The following NFIX variants were observed in gnomAD, a reference collection of about 807,000 sequenced individuals.
NFIX encodes the protein nuclear factor I X, also known as nuclear factor 1 X-type.
Under a neutral mutation model 53.3 loss-of-function variants are expected in NFIX, and 2 were observed. The observed-to-expected ratio is 0.04, with a 90% CI of 0.02 to 0.12. NFIX has a LOEUF of 0.12. Ranked by LOEUF, NFIX falls within the 10% of genes least tolerant of loss-of-function variation. The pLI, the probability that NFIX is intolerant of heterozygous loss-of-function variation, is 1.00. For synonymous variants in NFIX, 244 were observed against 289.0 expected (o/e 0.84, Z 1.58); for missense variants, 310 against 674.5 (o/e 0.46, Z 5.99).
In NFIX at chr19:13,005,843, G is replaced by A. The variant is rs1224010925; in HGVS notation, c.27+9979G>A. Among the ~76,000 whole-genome samples the A allele has an allele frequency of 7.9e-5, 12 of 152,176 alleles. No individual in the cohort carries two copies. The highest frequency in any genetic ancestry group is 7.9e-4 in the Admixed American group (12 of 15,278). On this transcript the variant is annotated intron_variant, in intron 1 of 10. Transcript: ENST00000592199. This position sits in a 1 kb window ranked among gnomAD's most constrained non-coding sequence, Gnocchi z 4.7. ...TCTTCCATCCAAGGCTCAGAATAAAGGTGGATGGTGGTCTCACCCCCTCTG... is the reference window on the plus strand; with the variant it reads ...TCTTCCATCCAAGGCTCAGAATAAAAGTGGATGGTGGTCTCACCCCCTCTG...
Position 13,093,774 on chromosome 19 carries a change from G to C in NFIX, c.1495-861G>C, listed in dbSNP as rs2018277950. Among the ~76,000 whole-genome samples, 1 of 152,164 alleles carries C rather than the reference G, an allele frequency of 6.6e-6. No individual in the cohort carries two copies. Among genetic ancestry groups the C allele is most frequent in the South Asian group, 2.1e-4 (1 of 4,832 alleles). On this transcript the variant is annotated intron_variant, in intron 10 of 10. Transcript: ENST00000592199. This position sits in a 1 kb window ranked among gnomAD's most constrained non-coding sequence, Gnocchi z 4.7. Reference sequence around the variant, plus strand: ...CATTTTGCCCCAACGGTACTACCAGGTGCACCCAGGCCCAGTAGACCACAG... The same window carrying C: ...CATTTTGCCCCAACGGTACTACCAGCTGCACCCAGGCCCAGTAGACCACAG...
At chr19:13,071,097 C>T (rs1007753787) in intron 2 of NFIX, 19 of 152,430 alleles carry the variant, frequency 1.2e-4, no homozygotes, top group African/African-American at 4.1e-4. Flanking sequence ...CCAAGTTGTC[C>T]CTAGGATGAG....
intron 8 of NFIX, among the ~76,000 whole-genome samples, chr19:13,082,988 T>G (rs1041991103): frequency 6.6e-6 from 1 of 152,190 alleles, no homozygotes; most frequent in Non-Finnish European, 1.5e-5. Context: ...TGGCTCCGCC[T>G]CCTCACTCTG....
rs2014571438 is a variant in NFIX, at chr19:13,040,847, T to C, written c.559+15295T>C. Among the ~76,000 whole-genome samples the C allele has an allele frequency of 6.6e-6, 1 of 152,188 alleles. No individual in the cohort carries two copies. Among genetic ancestry groups the C allele is most frequent in the Non-Finnish European group, 1.5e-5 (1 of 68,034 alleles). On this transcript the variant is annotated intron_variant, in intron 2 of 10. Transcript: ENST00000592199. This position sits in a 1 kb window ranked among gnomAD's most constrained non-coding sequence, Gnocchi z 4.2. ...CTGCTGTACCTTTGCTTGCCTCGGA[T>C]CTTAGAACTGTTTCCAGTAGTTTTT...
chr19:12,995,844 T>C lies in NFIX; in HGVS notation c.7T>C (p.Ser3Pro). Residue 3 changes from serine (S) to proline (P), a missense_variant, in exon 1 of 11, where the codon TCC (serine) becomes CCC (proline). Physicochemically the swap from Ser to Pro is moderately conservative, Grantham distance 74 (BLOSUM62 -1). Coordinates refer to ENST00000592199, the MANE Select transcript of NFIX (RefSeq NM_001365902.3). ...CCCGCCCGGGCGCCCAGCTATGTAC[T>C]CCCCGTACTGCCTCACCCAGGTACC... is the stretch of plus-strand genomic sequence containing the variant. MY[S>P]PYCLTQDEFH... 1.0e-6 allele frequency: 1 copy of C among 985,820 alleles called. No homozygotes were observed. The highest frequency in any genetic ancestry group is 1.2e-6 in the Non-Finnish European group (1 of 833,904). 61.1% of individuals were successfully genotyped at this position (985,820 alleles called of 1,614,324 possible). A position where few individuals can be genotyped will look rare whatever the true frequency, so the allele number is the denominator to read the frequency against.
At position 13,097,233 on chromosome 19, in the gene NFIX, G is replaced by A. The variant is rs1399316443; in HGVS notation, c.*2584G>A. On this transcript the variant is annotated 3_prime_UTR_variant, in exon 11 of 11. Transcript: ENST00000592199. ...TTTCCTGCGTTGACGAGGATGATCT[G>A]GGGTTTTTATTTGTTTCGTCGTTCG... The A allele has an allele frequency of 1.4e-5, 2 of 147,814 alleles. No individual in the cohort carries two copies. Among genetic ancestry groups the A allele is most frequent in the Non-Finnish European group, 3.0e-5 (2 of 67,002 alleles). The allele number at this position is 147,814 out of a possible 1,614,324, so 9.2% of individuals were successfully genotyped here.
rs1234498467 is a variant in NFIX at position 13,081,337 on chromosome 19, A to C, written c.1079-343A>C. On this transcript the variant is annotated intron_variant, in intron 7 of 10. Coordinates refer to ENST00000592199, the MANE Select transcript of NFIX (RefSeq NM_001365902.3). The surrounding 1 kb of genome is among the most constrained non-coding windows in gnomAD (Gnocchi z 4.7). ...ATAATAACACTTTTTTAAAAAGCCA[A>C]ATAAAATAAAGACAAGATCCTACCC... Among the ~76,000 whole-genome samples the C allele has an allele frequency of 6.6e-6, 1 of 152,110 alleles. No homozygotes were observed. The highest frequency in any genetic ancestry group is 1.5e-5 in the Non-Finnish European group (1 of 68,030).
At chr19:13,059,797 T>C (rs1019916766) in intron 2 of NFIX, among the ~76,000 whole-genome samples, 5 of 139,824 alleles carry the variant, frequency 3.6e-5, no homozygotes, top group Non-Finnish European at 6.2e-5. Flanking sequence ...TTTTTTTTTT[T>C]TTTTGAGACG....
intron 2 of NFIX, among the ~76,000 whole-genome samples, chr19:13,029,327 C>T (rs542360864): frequency 1.3e-5 from 2 of 151,696 alleles, no homozygotes; most frequent in South Asian, 4.1e-4. Flanking sequence ...AAAAATTCAG[C>T]ATTTTTTTTT....
intron 2 of NFIX, among the ~76,000 whole-genome samples, chr19:13,032,397 A>G (rs2013885845): frequency 6.6e-6 from 1 of 152,220 alleles, no homozygotes; most frequent in Non-Finnish European, 1.5e-5. Context: ...GCCTAAGGGC[A>G]GCCCTGCCTG....
chr19:13,074,711 T>A (rs1302586501), intron 5 of NFIX, among the ~76,000 whole-genome samples: 1 of 151,256 alleles, frequency 6.6e-6, no homozygotes, highest in Non-Finnish European at 1.5e-5. Flanking sequence ...CCACTTTTTT[T>A]TTTTTTTTAA....
intron 1 of NFIX, among the ~76,000 whole-genome samples, chr19:12,999,951 T>C (rs1333962726): frequency 6.6e-6 from 1 of 152,056 alleles, no homozygotes; most frequent in Non-Finnish European, 1.5e-5. Flanking sequence ...TGGGCCGGGA[T>C]GGGGTAGCTC....
intron 2 of NFIX, among the ~76,000 whole-genome samples, chr19:13,031,341 C>T (rs1375571114): frequency 6.6e-6 from 1 of 152,108 alleles, no homozygotes; most frequent in African/African-American, 2.4e-5. Context: ...ACCTAGAGGC[C>T]TGATCCCATA....
chr19:13,076,895 C>T (rs537657563), intron 6 of NFIX, among the ~76,000 whole-genome samples: 1 of 152,050 alleles, frequency 6.6e-6, no homozygotes, highest in Non-Finnish European at 1.5e-5. Context: ...GGCTGGAGAC[C>T]CTCTAGATGG....
In NFIX at chr19:12,996,599, C is replaced by A. The variant is rs1000945427; in HGVS notation, c.27+735C>A. ...CCGGACGTCGCAGCCTCTGCCCCCC[C>A]ACCCCCAAACTTTCCTCGGCGCAAA... is the stretch of plus-strand genomic sequence containing the variant. On this transcript the variant is annotated intron_variant, in intron 1 of 10. Transcript: ENST00000592199. This position sits in a 1 kb window ranked among gnomAD's most constrained non-coding sequence, Gnocchi z 5.2. Among the ~76,000 whole-genome samples the A allele has an allele frequency of 1.1e-4, 16 of 152,202 alleles. No individual in the cohort carries two copies. Among genetic ancestry groups the A allele is most frequent in the Non-Finnish European group, 8.8e-5 (6 of 68,020 alleles).
chr19:13,027,491 G>A lies in NFIX; in HGVS notation c.559+1939G>A, dbSNP rs571184973. Among the ~76,000 whole-genome samples the A allele has an allele frequency of 1.9e-3, 289 of 152,274 alleles. No individual in the cohort carries two copies. The highest frequency in any genetic ancestry group is 3.4e-3 in the Non-Finnish European group (234 of 68,040). On this transcript the variant is annotated intron_variant, in intron 2 of 10. Coordinates refer to ENST00000592199, the MANE Select transcript of NFIX (RefSeq NM_001365902.3). This position sits in a 1 kb window ranked among gnomAD's most constrained non-coding sequence, Gnocchi z 4.3. ...GTGGCCATCAGATACTCCTGCACAA[G>A]GGGATTCTGCACCTTCCAATTTTAG...
chr19:13,092,997 G>T (rs1042401910), intron 10 of NFIX, among the ~76,000 whole-genome samples: 3 of 152,230 alleles, frequency 2.0e-5, no homozygotes, highest in Non-Finnish European at 4.4e-5. Flanking sequence ...TAGCATTTCT[G>T]CCCACCCAGC....
Position 13,022,935 on chromosome 19 carries a change from C to T in NFIX, c.28-2086C>T, listed in dbSNP as rs1043208388. On this transcript the variant is annotated intron_variant, in intron 1 of 10. Transcript: ENST00000592199. This position sits in a 1 kb window ranked among gnomAD's most constrained non-coding sequence, Gnocchi z 4.5. ...ATTAGACGTGAACTTGTCGATTGGG[C>T]AAATTGTTTTTGGTCTCCAACTGCC... is the stretch of plus-strand genomic sequence containing the variant. Among the ~76,000 whole-genome samples the T allele has an allele frequency of 1.3e-5, 2 of 152,092 alleles. No homozygotes were observed. The highest frequency in any genetic ancestry group is 4.8e-5 in the African/African-American group (2 of 41,422).
Position 13,011,380 on chromosome 19 carries a change from GA to G in NFIX, c.28-13640del, listed in dbSNP as rs2012332008. On this transcript the variant is annotated intron_variant, in intron 1 of 10. Transcript: ENST00000592199. The surrounding 1 kb of genome is among the most constrained non-coding windows in gnomAD (Gnocchi z 6.5). ...AATGCCCCCCACCACCCCACCTCGGGAGAAATTTCCACTTGCCCCCGAGTCC... is the reference window on the plus strand; with the variant it reads ...AATGCCCCCCACCACCCCACCTCGGGGAAATTTCCACTTGCCCCCGAGTCC... Among the ~76,000 whole-genome samples, 1 of 152,220 alleles carries G rather than the reference GA, an allele frequency of 6.6e-6. No individual in the cohort carries two copies. The highest frequency in any genetic ancestry group is 1.5e-5 in the Non-Finnish European group (1 of 68,042).
Sources: gnomAD v4.1 joint callset for allele counts (sites outside exome capture counted in the v4.1 genomes callset) on GRCh38, gnomAD v4.1.1 for gene constraint, Gnocchi (gnomAD v3.1) non-coding constraint, MANE v1.5 for transcripts, NCBI Gene and HGNC (gene_info 2026-07-23, HGNC 2026-07-21) for gene names.